The following ITGA6 variants were observed in gnomAD, a reference collection of about 807,000 sequenced individuals.
ITGA6 encodes integrin subunit alpha 6.
A neutral mutation model predicts 133.6 loss-of-function variants in ITGA6; 63 were observed. The observed-to-expected ratio is 0.47, with a 90% CI of 0.38 to 0.58. ITGA6 has a LOEUF of 0.58. Ranked by LOEUF, ITGA6 falls within the 20% of genes least tolerant of loss-of-function variation. ITGA6 has a pLI of 0.00. For missense variants in ITGA6, 1,068 were observed against 1,309.4 expected (o/e 0.82, Z 2.85); for synonymous variants, 434 against 482.0 (o/e 0.90, Z 1.30).
At chr2:172,445,520 G>T (rs1684727693) in intron 1 of ITGA6, among the ~76,000 whole-genome samples, 1 of 151,204 alleles carries the variant, frequency 6.6e-6, no homozygotes, top group Admixed American at 6.6e-5. Flanking sequence ...ATGGTGGTGG[G>T]CGCCTGTAGT....
chr2:172,456,284 A>G lies in ITGA6; in HGVS notation c.183-9255A>G, dbSNP rs79679498. 1.4e-3 allele frequency among the ~76,000 whole-genome samples: 211 copies of G among 152,300 alleles called. 3 individuals are homozygous for G. The East Asian group carries it at 0.029, about 21-fold the overall frequency. On this transcript the variant is annotated intron_variant, in intron 1 of 25. Transcript: ENST00000684293. ...ACCCTCAGGTATCCTGATCACGTGG[A>G]GACTGGCCATATGGCTTCCCAGACC...
intron 19 of ITGA6, among the ~76,000 whole-genome samples, chr2:172,489,268 T>C (rs565489568): frequency 5.9e-5 from 9 of 152,366 alleles, no homozygotes; most frequent in African/African-American, 1.9e-4. Context: ...ACGAGTTAGC[T>C]ATCAGTTGTC....
intron 9 of ITGA6, among the ~76,000 whole-genome samples, chr2:172,478,602 A>G (rs570672061): frequency 6.6e-6 from 1 of 152,336 alleles, no homozygotes; most frequent in Non-Finnish European, 1.5e-5. Flanking sequence ...GGCAGCCAAA[A>G]CATACGAAAA....
intron 1 of ITGA6, among the ~76,000 whole-genome samples, chr2:172,440,829 T>C (rs992049186): frequency 6.6e-6 from 1 of 152,204 alleles, no homozygotes; most frequent in African/African-American, 2.4e-5. Context: ...GTCATTTATA[T>C]GTTGTTAGTA....
Position 172,504,430 on chromosome 2 carries a change from G to T in ITGA6, c.*362G>T. ...TTACGTAGCCTAAGGCTCCTGTTTT[G>T]CACAGCCAAATTTAAAACTGTTGGA... is the stretch of plus-strand genomic sequence containing the variant. On this transcript the variant is annotated 3_prime_UTR_variant, in exon 26 of 26. Transcript: ENST00000684293. The T allele has an allele frequency of 2.2e-6, 1 of 449,974 alleles. No individual in the cohort carries two copies. Among genetic ancestry groups the T allele is most frequent in the Non-Finnish European group, 4.0e-6 (1 of 252,046 alleles). The allele number at this position is 449,974 out of a possible 1,614,324, so 27.9% of individuals were successfully genotyped here. A position where few individuals can be genotyped will look rare whatever the true frequency, so the allele number is the denominator to read the frequency against.
chr2:172,477,688 C>T (rs16860515), intron 9 of ITGA6, among the ~76,000 whole-genome samples: 7,722 of 152,274 alleles, frequency 0.051, 358 homozygotes, highest in East Asian at 0.26. Context: ...CACTTGTTCC[C>T]TCTTTACTTG....
intron 24 of ITGA6, among the ~76,000 whole-genome samples, chr2:172,499,533 A>T (rs1353443253): frequency 1.3e-5 from 2 of 151,412 alleles, no homozygotes; most frequent in Non-Finnish European, 2.9e-5. Flanking sequence ...TAGTTTTTAA[A>T]TTTTTTTTCA....
chr2:172,436,236 A>G (rs1196116430), intron 1 of ITGA6, among the ~76,000 whole-genome samples: 22 of 152,148 alleles, frequency 1.4e-4, no homozygotes, highest in Admixed American at 1.4e-3. Context: ...TGAAGGAGAC[A>G]CCTATTGAAT....
intron 1 of ITGA6, among the ~76,000 whole-genome samples, chr2:172,430,193 G>C (rs1327065982): frequency 2.6e-5 from 4 of 152,226 alleles, no homozygotes; most frequent in Admixed American, 1.3e-4. Flanking sequence ...TGAGGATTAA[G>C]AGATAATATG....
Position 172,465,627 on chromosome 2 carries a change from C to CG in ITGA6, c.276dup (p.Pro93AlafsTer8). 1 of 1,614,208 alleles carries CG rather than the reference C, an allele frequency of 6.2e-7. No individual in the cohort carries two copies. Among genetic ancestry groups the CG allele is most frequent in the Non-Finnish European group, 8.5e-7 (1 of 1,180,026 alleles). ...GCTGTACAGCTGCGACATCACCGCC[C>CG]GGGGGCCATGCACGCGGATCGAGTT... On this transcript the variant is annotated frameshift_variant, in exon 2 of 26. Transcript: ENST00000684293. LOFTEE classifies it high-confidence loss of function.
intron 1 of ITGA6, among the ~76,000 whole-genome samples, chr2:172,439,484 G>C (rs1457928435): frequency 6.6e-6 from 1 of 151,864 alleles, no homozygotes; most frequent in Non-Finnish European, 1.5e-5. Flanking sequence ...ATCAGGACTT[G>C]AGCATACATT....
chr2:172,449,258 A>G (rs1265634283), intron 1 of ITGA6, among the ~76,000 whole-genome samples: 1 of 152,206 alleles, frequency 6.6e-6, no homozygotes, highest in Non-Finnish European at 1.5e-5. Flanking sequence ...CTTACCCCCC[A>G]ATTGCTGAGA....
At chr2:172,482,726 G>A (rs1405912622) in intron 11 of ITGA6, among the ~76,000 whole-genome samples, 1 of 152,154 alleles carries the variant, frequency 6.6e-6, no homozygotes, top group Non-Finnish European at 1.5e-5. Context: ...GGCTGCAGAG[G>A]CCTAAAATGG....
chr2:172,472,499 A>G (rs1204255422), intron 5 of ITGA6, among the ~76,000 whole-genome samples: 1 of 152,210 alleles, frequency 6.6e-6, no homozygotes, highest in Non-Finnish European at 1.5e-5. Flanking sequence ...CCACTTTTAG[A>G]ATGGATTTCC....
intron 1 of ITGA6, among the ~76,000 whole-genome samples, chr2:172,462,874 C>T (rs1222052406): frequency 1.3e-5 from 2 of 152,224 alleles, no homozygotes; most frequent in Non-Finnish European, 2.9e-5. Flanking sequence ...TCCTCGACCC[C>T]TTCTTGTCAC....
chr2:172,501,623 A>C (rs1208707225), intron 24 of ITGA6, 149 bp from the exon 25 acceptor site: 5 of 682,024 alleles, frequency 7.3e-6, no homozygotes, highest in Non-Finnish European at 1.3e-5. Context: ...CAATGAAACA[A>C]TGCAGTGGCT....
chr2:172,454,915 G>A (rs773597908), intron 1 of ITGA6, among the ~76,000 whole-genome samples: 5 of 152,094 alleles, frequency 3.3e-5, no homozygotes, highest in Non-Finnish European at 7.4e-5. Flanking sequence ...CCTGAGTGAC[G>A]AAATAATCTG....
intron 1 of ITGA6, 189 bp downstream of exon 1, chr2:172,428,159 C>G (rs992899989): frequency 2.2e-5 from 7 of 323,630 alleles, no homozygotes; most frequent in Non-Finnish European, 3.7e-5. Context: ...CGGCGCCTCC[C>G]TCCATTCAGC....
chr2:172,490,486 A>G (rs2149080435), intron 20 of ITGA6, among the ~76,000 whole-genome samples: 1 of 152,386 alleles, frequency 6.6e-6, no homozygotes, highest in South Asian at 2.1e-4. Context: ...CTACTCATCA[A>G]TGTTAAAAAT....
Sources: gnomAD v4.1 joint callset for allele counts (sites outside exome capture counted in the v4.1 genomes callset) on GRCh38, gnomAD v4.1.1 for gene constraint, MANE v1.5 for transcripts, NCBI Gene and HGNC (gene_info 2026-07-23, HGNC 2026-07-21) for gene names.